The following MERTK variants were observed in gnomAD, a reference collection of about 807,000 sequenced individuals.
MERTK encodes the protein tyrosine-protein kinase Mer.
A neutral mutation model predicts 99.3 loss-of-function variants in MERTK; 69 were observed. The ratio of observed to expected loss-of-function variants is 0.70; its 90% CI spans 0.57 to 0.85. The LOEUF (loss-of-function observed/expected upper bound fraction) is 0.85, where lower values mean the gene tolerates loss of function less well. MERTK is among the 40% of genes least tolerant of loss of function. The pLI is 0.00. For missense variants in MERTK, 1,125 were observed against 1,249.4 expected, an observed-to-expected ratio of 0.90 and a Z score of 1.50; for synonymous variants, 426 against 467.6, an observed-to-expected ratio of 0.91 and a Z score of 1.15.
chr2:112,013,893 T>G (rs1481140014), intron 15 of MERTK, among the ~76,000 whole-genome samples: 1 of 152,136 alleles, frequency 6.6e-6, no homozygotes, highest in Non-Finnish European at 1.5e-5. Flanking sequence ...TCACTCTTGT[T>G]GTCCAGGCTG....
intron 15 of MERTK, among the ~76,000 whole-genome samples, chr2:112,017,627 C>T (rs1339821684): frequency 1.9e-5 from 2 of 107,588 alleles, no homozygotes; most frequent in Non-Finnish European, 4.3e-5. Flanking sequence ...AGCACGACTT[C>T]GTCTCAAAAA....
chr2:111,925,888 A>G (rs6731215), intron 1 of MERTK, among the ~76,000 whole-genome samples: 34,746 of 150,672 alleles, frequency 0.23, 4,291 homozygotes, highest in Middle Eastern at 0.36. Context: ...GCTAGAGTAC[A>G]GTGGCGCGAT....
intron 1 of MERTK, among the ~76,000 whole-genome samples, chr2:111,904,825 A>G (rs1684107801): frequency 6.6e-6 from 1 of 152,176 alleles, no homozygotes; most frequent in African/African-American, 2.4e-5. Flanking sequence ...TAGGAAATGC[A>G]AAGGGCGCCA....
chr2:111,922,820 C>T (rs545603916), intron 1 of MERTK, among the ~76,000 whole-genome samples: 3 of 152,324 alleles, frequency 2.0e-5, no homozygotes, highest in African/African-American at 7.2e-5. Flanking sequence ...TGCCCACCAG[C>T]CCTTCTGCCT....
At chr2:111,973,844 C>T (rs577865987) in intron 6 of MERTK, among the ~76,000 whole-genome samples, 5 of 151,918 alleles carry the variant, frequency 3.3e-5, no homozygotes, top group Non-Finnish European at 7.4e-5. Context: ...GAATCGCCCT[C>T]TCTTGCCTAT....
intron 18 of MERTK, among the ~76,000 whole-genome samples, chr2:112,024,118 A>C (rs1677416091): frequency 6.6e-6 from 1 of 152,212 alleles, no homozygotes; most frequent in African/African-American, 2.4e-5. Context: ...TGAAATGCTA[A>C]TAAAATTAGT....
At chr2:111,935,207 C>T (rs184689383) in intron 2 of MERTK, among the ~76,000 whole-genome samples, 34 of 152,262 alleles carry the variant, frequency 2.2e-4, no homozygotes, top group South Asian at 1.9e-3. Flanking sequence ...AGGTGTTTTC[C>T]GGCAATTCAT....
At chr2:111,927,084 C>G (rs1424351184) in intron 1 of MERTK, among the ~76,000 whole-genome samples, 2 of 152,326 alleles carry the variant, frequency 1.3e-5, no homozygotes, top group South Asian at 2.1e-4. Flanking sequence ...CACAGAAGGC[C>G]CTACACTCCC....
chr2:112,004,897 G>A (rs1335057413), intron 13 of MERTK, among the ~76,000 whole-genome samples: 4 of 151,200 alleles, frequency 2.6e-5, no homozygotes, highest in Admixed American at 6.6e-5. Flanking sequence ...GTGAGACTCC[G>A]TCTCAAAAAA....
Position 111,998,482 on chromosome 2 carries a change from G to A in MERTK, c.1604+1006G>A, listed in dbSNP as rs1433886176. Among the ~76,000 whole-genome samples the A allele has an allele frequency of 2.0e-5, 3 of 152,164 alleles. No homozygotes were observed. The South Asian group carries it at 6.2e-4, about 32-fold the overall frequency. On this transcript the variant is annotated intron_variant, in intron 10 of 18. Coordinates refer to ENST00000295408, the MANE Select transcript of MERTK (RefSeq NM_006343.3). ...GTGAACAAAATCCTGCCCTCATGGG[G>A]TTCACAGTTCATGGGGAGTCAGGCA...
intron 18 of MERTK, among the ~76,000 whole-genome samples, chr2:112,025,051 G>T (rs1191439243): frequency 6.6e-6 from 1 of 152,224 alleles, no homozygotes; most frequent in African/African-American, 2.4e-5. Context: ...GGAGGTCGAG[G>T]TCACGGATGA....
chr2:112,022,301 T>A lies in MERTK; in HGVS notation c.2393T>A (p.Met798Lys), dbSNP rs753021341. Reference sequence around the variant, plus strand: ...ATGTGGGAAATAGCTACGCGGGGAATGACTCCCTATCCTGGGGTCCAGAAC... The same window carrying A: ...ATGTGGGAAATAGCTACGCGGGGAAAGACTCCCTATCCTGGGGTCCAGAAC... ...VTMWEIATRG[M>K]TPYPGVQNHE... Residue 798 changes from methionine to lysine, a missense_variant, in exon 18 of 19, where the codon ATG (methionine) becomes AAG (lysine). Transcript: ENST00000295408. 1.2e-6 allele frequency: 2 copies of A among 1,614,254 alleles called. No homozygotes were observed. Among genetic ancestry groups the A allele is most frequent in the East Asian group, 4.5e-5 (2 of 44,892 alleles).
intron 2 of MERTK, among the ~76,000 whole-genome samples, chr2:111,934,973 C>A (rs1684738936): frequency 6.6e-6 from 1 of 152,116 alleles, no homozygotes; most frequent in African/African-American, 2.4e-5. Context: ...ACTCCTCACA[C>A]CTTCCATTGC....
At chr2:112,017,883 A>G (rs531046321) in intron 15 of MERTK, among the ~76,000 whole-genome samples, 4 of 152,336 alleles carry the variant, frequency 2.6e-5, no homozygotes, top group South Asian at 4.1e-4. Context: ...AACAAGTAGA[A>G]TGACTTCACC....
chr2:111,967,043 A>G (rs942023896), intron 5 of MERTK, among the ~76,000 whole-genome samples: 1 of 152,174 alleles, frequency 6.6e-6, no homozygotes, highest in African/African-American at 2.4e-5. Context: ...AGTTGTAGAT[A>G]GGGCGTGTGT....
chr2:111,914,607 T>C (rs72823482), intron 1 of MERTK, among the ~76,000 whole-genome samples: 5,064 of 152,292 alleles, frequency 0.033, 123 homozygotes, highest in Middle Eastern at 0.092. Context: ...AGGGTTTTTT[T>C]TCCCCCATGA....
chr2:111,983,163 C>A (rs966660193), intron 8 of MERTK, among the ~76,000 whole-genome samples, 170 bp downstream of exon 8: 6 of 152,182 alleles, frequency 3.9e-5, no homozygotes, highest in African/African-American at 1.4e-4. Flanking sequence ...GGTGACTGAA[C>A]AGTTACAAAA....
chr2:112,016,946 C>T (rs544336283), intron 15 of MERTK, among the ~76,000 whole-genome samples: 8 of 152,256 alleles, frequency 5.3e-5, no homozygotes, highest in Middle Eastern at 3.4e-3. Context: ...AATGAAGCCG[C>T]GGACCTTTGC....
intron 1 of MERTK, 42 bp from the exon 2 acceptor site, chr2:111,929,075 CTCT>C (rs1684620352): frequency 4.3e-6 from 7 of 1,611,610 alleles, no homozygotes; most frequent in Non-Finnish European, 5.1e-6. Context: ...ACTTGGGAAA[CTCT>C]TCTTATTTAA....
Sources: gnomAD v4.1 joint callset for allele counts (sites outside exome capture counted in the v4.1 genomes callset) on GRCh38, gnomAD v4.1.1 for gene constraint, MANE v1.5 for transcripts, NCBI Gene and HGNC (gene_info 2026-07-23, HGNC 2026-07-21) for gene names.